DOCK10: variants seen among roughly 807,000 people sequenced by gnomAD.
DOCK10 encodes dedicator of cytokinesis 10.
Under a neutral mutation model 280.1 loss-of-function variants are expected in DOCK10, and 145 were observed. The observed-to-expected ratio is 0.52, with a 90% CI of 0.45 to 0.59. The LOEUF (loss-of-function observed/expected upper bound fraction) is 0.59. Among genes scored for constraint, DOCK10 ranks in the 20% least tolerant of loss-of-function variants. The pLI is 0.00. For synonymous variants in DOCK10, 915 were observed against 942.2 expected, an observed-to-expected ratio of 0.97 and a Z score of 0.53; for missense variants, 2,368 against 2,651.7, an observed-to-expected ratio of 0.89 and a Z score of 2.35.
At chr2:224,973,175 G>A (rs560271625) in intron 1 of DOCK10, among the ~76,000 whole-genome samples, 2 of 152,144 alleles carry the variant, frequency 1.3e-5, no homozygotes, top group African/African-American at 4.8e-5. Flanking sequence ...CACTCTTACA[G>A]GCCCTTTACT....
chr2:224,974,819 A>AATATATATATATATTATATATATAAT (rs148414737), intron 1 of DOCK10, among the ~76,000 whole-genome samples: 4 of 132,354 alleles, frequency 3.0e-5, no homozygotes, highest in African/African-American at 7.7e-5. Flanking sequence ...TTATATATAT[A>AATATATATATATATTATATATATAAT]ATATATATAT....
chr2:224,850,858 C>A (rs1696683979), intron 18 of DOCK10, among the ~76,000 whole-genome samples: 1 of 152,220 alleles, frequency 6.6e-6, no homozygotes, highest in Non-Finnish European at 1.5e-5. Flanking sequence ...TGTAAGTTTG[C>A]TGAGGCCTCC....
intron 19 of DOCK10, among the ~76,000 whole-genome samples, chr2:224,848,842 A>T (rs1021557577): frequency 6.6e-6 from 1 of 152,234 alleles, no homozygotes; most frequent in Admixed American, 6.5e-5. Context: ...AAATGCTGCC[A>T]TTCATTGGTA....
intron 1 of DOCK10, among the ~76,000 whole-genome samples, chr2:225,001,913 T>C (rs910818796): frequency 4.6e-5 from 7 of 152,140 alleles, no homozygotes; most frequent in African/African-American, 1.4e-4. Flanking sequence ...GACCTAACCA[T>C]CTTCCATAAG....
chr2:224,885,635 A>T, intron 7 of DOCK10, 36 bp downstream of exon 7: 1 of 1,526,318 alleles, frequency 6.6e-7, no homozygotes, highest in Non-Finnish European at 8.8e-7. Context: ...TTCAAATAAA[A>T]AAAAATCCCA....
At chr2:224,910,560 T>C (rs183866264) in intron 3 of DOCK10, among the ~76,000 whole-genome samples, 2 of 152,316 alleles carry the variant, frequency 1.3e-5, no homozygotes, top group Admixed American at 1.3e-4. Context: ...TAAAAGGTGA[T>C]AATGATGATA....
chr2:225,035,333 T>C (rs1476873245), intron 1 of DOCK10, among the ~76,000 whole-genome samples: 1 of 151,856 alleles, frequency 6.6e-6, no homozygotes, highest in Non-Finnish European at 1.5e-5. Context: ...TCAAGATCTT[T>C]AACTCTATGG....
rs61170287 is a variant in DOCK10, at chr2:225,017,705, CAA to C, written c.123+24545_123+24546del. Among the ~76,000 whole-genome samples, 589 of 126,746 alleles carry C rather than the reference CAA, an allele frequency of 4.6e-3. 6 individuals carry two copies. The highest frequency in any genetic ancestry group is 0.016 in the African/African-American group (550 of 34,166). The allele number at this position is 126,746 out of a possible 152,430, so 83.2% of individuals were successfully genotyped here. ...ATAACTGAAGATATGCCTACTGTTC[CAA>C]AAAAAAAAAAAAAGCAAAAAGGAAA... On this transcript the variant is annotated intron_variant, in intron 1 of 55. Transcript: ENST00000258390.
intron 1 of DOCK10, among the ~76,000 whole-genome samples, chr2:225,002,895 G>T (rs143078185): frequency 6.6e-6 from 1 of 152,136 alleles, no homozygotes; most frequent in African/African-American, 2.4e-5. Flanking sequence ...GTTGTTGGTC[G>T]CTCAACACTG....
intron 13 of DOCK10, among the ~76,000 whole-genome samples, 184 bp from the exon 14 acceptor site, chr2:224,862,930 T>C (rs1697619811): frequency 6.6e-6 from 1 of 152,232 alleles, no homozygotes; most frequent in African/African-American, 2.4e-5. Flanking sequence ...TTGTATAATG[T>C]TTTTCTTTCT....
intron 1 of DOCK10, among the ~76,000 whole-genome samples, chr2:224,965,801 A>T (rs549043453): frequency 5.4e-4 from 82 of 152,306 alleles, no homozygotes; most frequent in Admixed American, 5.2e-4. Context: ...AAAATTGTTT[A>T]AAAAAAGTAA....
Position 224,800,268 on chromosome 2 carries a change from A to G in DOCK10, c.4394-5T>C. 2 of 1,575,054 alleles carry G rather than the reference A, an allele frequency of 1.3e-6. No homozygotes were observed. Among genetic ancestry groups the G allele is most frequent in the Non-Finnish European group, 1.7e-6 (2 of 1,147,544 alleles). ...TGTCTATTTCATTGGAGTTGCCTAT[A>G]AAATACAAAATAAAACATGCGTAAA... On this transcript the variant is annotated splice_region_variant and splice_polypyrimidine_tract_variant and intron_variant, in intron 40 of 55. Transcript: ENST00000258390.
chr2:224,828,346 G>A (rs1196994156), intron 27 of DOCK10, among the ~76,000 whole-genome samples: 3 of 152,156 alleles, frequency 2.0e-5, no homozygotes, highest in Non-Finnish European at 1.5e-5. Context: ...AAGGACTCAC[G>A]GGATGAGCAA....
intron 46 of DOCK10, 23 bp downstream of exon 46, chr2:224,793,377 C>T: frequency 6.3e-7 from 1 of 1,595,080 alleles, no homozygotes; most frequent in South Asian, 1.1e-5. Context: ...AGGCTTTTTG[C>T]CTCCCTCATG....
intron 4 of DOCK10, among the ~76,000 whole-genome samples, chr2:224,891,827 G>A (rs72972659): frequency 0.059 from 8,972 of 152,208 alleles, 302 homozygotes; most frequent in South Asian, 0.085. Flanking sequence ...GAATGTAAGC[G>A]TGCCACTTCA....
At position 224,830,521 on chromosome 2, in the gene DOCK10, T is replaced by C. The variant is rs1319910960; in HGVS notation, c.3036+20A>G. 20 of 1,257,810 alleles carry C rather than the reference T, an allele frequency of 1.6e-5. No homozygotes were observed. The highest frequency in any genetic ancestry group is 2.1e-5 in the Non-Finnish European group (20 of 938,256). The allele number at this position is 1,257,810 out of a possible 1,614,324, so 77.9% of individuals were successfully genotyped here. ...TAATATTGTAAAAATATTATAATAT[T>C]ATATTACTTATGTTCTTACCTGGAT... On this transcript the variant is annotated intron_variant, in intron 27 of 55. Transcript: ENST00000258390.
rs1253651739 is a variant in DOCK10, at chr2:224,816,600, T to C, written c.3364+17A>G. 1.3e-6 allele frequency: 2 copies of C among 1,487,498 alleles called. No homozygotes were observed. Among genetic ancestry groups the C allele is most frequent in the East Asian group, 2.3e-5 (1 of 43,938 alleles). 92.1% of individuals were successfully genotyped at this position (1,487,498 alleles called of 1,614,324 possible). A position where few individuals can be genotyped will look rare whatever the true frequency, so the allele number is the denominator to read the frequency against. ...TCACTTTGCAGGAACTGAGGAAAAT[T>C]CTGGGAATTTTATTACCTGGAATGT... On this transcript the variant is annotated intron_variant, in intron 30 of 55. Transcript: ENST00000258390.
intron 18 of DOCK10, among the ~76,000 whole-genome samples, chr2:224,851,461 A>G (rs370347053): frequency 8.0e-5 from 11 of 137,972 alleles, no homozygotes; most frequent in Non-Finnish European, 1.2e-4. Context: ...TTTTTTTTAA[A>G]AAAAAAAAAA....
chr2:225,031,074 A>G (rs546823696), intron 1 of DOCK10, among the ~76,000 whole-genome samples: 132 of 152,272 alleles, frequency 8.7e-4, no homozygotes, highest in Middle Eastern at 3.4e-3. Flanking sequence ...AAATATGGAG[A>G]CTATAACCAC....
Sources: gnomAD v4.1 joint callset for allele counts (sites outside exome capture counted in the v4.1 genomes callset) on GRCh38, gnomAD v4.1.1 for gene constraint, MANE v1.5 for transcripts, NCBI Gene and HGNC (gene_info 2026-07-23, HGNC 2026-07-21) for gene names.